The following EIF4A1 variants were observed in gnomAD, a reference collection of about 807,000 sequenced individuals.
The protein encoded by EIF4A1 is eukaryotic initiation factor 4A-I.
Under a neutral mutation model 53.5 loss-of-function variants are expected in EIF4A1, and 11 were observed. The ratio of observed to expected loss-of-function variants is 0.21; its 90% CI spans 0.13 to 0.34. The LOEUF is 0.34. EIF4A1 is among the 10% of genes least tolerant of loss of function. The pLI is 1.00. For missense variants in EIF4A1, 213 were observed against 530.8 expected (o/e 0.40, Z 5.88); for synonymous variants, 237 against 186.7 (o/e 1.27, Z -2.20).
intron 3 of EIF4A1, chr17:7,574,914 G>C: frequency 9.8e-7 from 1 of 1,015,866 alleles, no homozygotes; most frequent in Middle Eastern, 3.1e-4. Context: ...TTCTAGTCCA[G>C]CTTGGTGTGC....
intron 1 of EIF4A1, 129 bp from the exon 2 acceptor site, chr17:7,574,131 C>A (rs1265246444): frequency 9.7e-7 from 1 of 1,025,868 alleles, no homozygotes; most frequent in Non-Finnish European, 1.5e-6. Context: ...TTTTTGGGAG[C>A]TGGTGGGAGT....
intron 1 of EIF4A1, chr17:7,573,124 C>G (rs2071346650): frequency 1.7e-6 from 1 of 604,120 alleles, no homozygotes; most frequent in Non-Finnish European, 2.9e-6. Context: ...GTGCCATGCG[C>G]GAAGCCCCGG....
At position 7,578,599 on chromosome 17, in the gene EIF4A1, T is replaced by G; in HGVS notation, c.*113T>G. On this transcript the variant is annotated 3_prime_UTR_variant, in exon 11 of 11. Coordinates refer to ENST00000293831, the MANE Select transcript of EIF4A1 (RefSeq NM_001416.4). ...ATGGACATCTTGTCATTTTTTTTCT[T>G]TGAATAAATGTCACTTTTTGAGGCA... is the stretch of plus-strand genomic sequence containing the variant. 1.6e-6 allele frequency: 2 copies of G among 1,272,520 alleles called. No homozygotes were observed. The highest frequency in any genetic ancestry group is 2.1e-6 in the Non-Finnish European group (2 of 972,492). 78.8% of individuals were successfully genotyped at this position (1,272,520 alleles called of 1,614,324 possible).
At chr17:7,575,642 C>A (rs374235835) in intron 4 of EIF4A1, 2 of 357,538 alleles carry the variant, frequency 5.6e-6, no homozygotes, top group East Asian at 7.0e-5. Context: ...GGGGCACACA[C>A]AATTCTAATG....
rs893210020 is a variant in EIF4A1, at chr17:7,575,277, C to T, written c.345+19C>T. ...TCAGCAGGTAAGAGTGGCTTCTATT[C>T]CCTCCTTCAGGGCTGATTTAGGGAT... On this transcript the variant is annotated intron_variant, in intron 4 of 10. Transcript: ENST00000293831. 12 of 1,613,464 alleles carry T rather than the reference C, an allele frequency of 7.4e-6. No homozygotes were observed. Among genetic ancestry groups the T allele is most frequent in the South Asian group, 2.2e-5 (2 of 91,084 alleles).
chr17:7,574,108 C>T (rs1363552346), intron 1 of EIF4A1, 152 bp from the exon 2 acceptor site: 4 of 850,812 alleles, frequency 4.7e-6, no homozygotes, highest in African/African-American at 1.7e-5. Flanking sequence ...ATAGAAACTC[C>T]TCCTTTGGGT....
In EIF4A1 at chr17:7,574,244, T is replaced by C. The variant is rs182916229; in HGVS notation, c.24-16T>C. On this transcript the variant is annotated splice_polypyrimidine_tract_variant and intron_variant, in intron 1 of 10. Coordinates refer to ENST00000293831, the MANE Select transcript of EIF4A1 (RefSeq NM_001416.4). ...TCGGTCGGGCAGGGGACAAAACTTA[T>C]GCTTTAAACCAACAGATCCAGAGAC... is the stretch of plus-strand genomic sequence containing the variant. The C allele has an allele frequency of 2.9e-4, 467 of 1,614,084 alleles. 4 individuals carry two copies. The African/African-American group carries it at 4.1e-3, about 14-fold the overall frequency.
Position 7,578,807 on chromosome 17 carries a change from A to G in EIF4A1, c.*321A>G, listed in dbSNP as rs3809719. 6,838 of 201,260 alleles carry G rather than the reference A, an allele frequency of 0.034. 403 individuals carry two copies. The highest frequency in any genetic ancestry group is 0.25 in the East Asian group (2,059 of 8,270). The allele number at this position is 201,260 out of a possible 1,614,324, so 12.5% of individuals were successfully genotyped here. On this transcript the variant is annotated 3_prime_UTR_variant, in exon 11 of 11. Transcript: ENST00000293831. ...TCCTTTGAAAGTGATTCAAGGGACT[A>G]TGTCACTCAGCCTCATTTGCTGGAC...
chr17:7,576,740 A>T, intron 5 of EIF4A1, 48 bp downstream of exon 5: 1 of 1,569,982 alleles, frequency 6.4e-7, no homozygotes, highest in South Asian at 1.2e-5. Flanking sequence ...GCTCTTGTGC[A>T]CGCTTTCCAG....
chr17:7,572,955 G>C, intron 1 of EIF4A1, 91 bp downstream of exon 1: 4 of 1,611,788 alleles, frequency 2.5e-6, no homozygotes, highest in Non-Finnish European at 3.4e-6. Flanking sequence ...GCCCACCAGG[G>C]TTGCGGGAGA....
intron 1 of EIF4A1, 58 bp downstream of exon 1, chr17:7,572,922 G>A: frequency 3.1e-6 from 5 of 1,614,082 alleles, no homozygotes; most frequent in South Asian, 2.2e-5. Context: ...CCTTCCGACG[G>A]GCCCGCCGGG....
At chr17:7,574,084 A>G in intron 1 of EIF4A1, 176 bp from the exon 2 acceptor site, 1 of 699,602 alleles carries the variant, frequency 1.4e-6, no homozygotes, top group South Asian at 1.8e-5. Flanking sequence ...GCATGGGGCA[A>G]ATGCCTCAGT....
chr17:7,574,384 T>C (rs1273096787), intron 2 of EIF4A1, 76 bp downstream of exon 2: 3 of 1,610,768 alleles, frequency 1.9e-6, no homozygotes, highest in Non-Finnish European at 2.5e-6. Flanking sequence ...GGCCTCTTGA[T>C]TGATTTCCCA....
In EIF4A1 at chr17:7,574,832, T is replaced by C. The variant is rs571405264; in HGVS notation, c.205+154T>C. On this transcript the variant is annotated intron_variant, in intron 3 of 10. Coordinates refer to ENST00000293831, the MANE Select transcript of EIF4A1 (RefSeq NM_001416.4). ...TTGATCCGTGCCCATGCCTGGTTCA[T>C]GCCTTGGACACATAGGTTTCCTTTA... The C allele has an allele frequency of 3.9e-6, 5 of 1,291,624 alleles. No homozygotes were observed. In the African/African-American group the frequency reaches 5.8e-5, roughly 15 times the overall value. The allele number at this position is 1,291,624 out of a possible 1,614,324, so 80.0% of individuals were successfully genotyped here. A position where few individuals can be genotyped will look rare whatever the true frequency, so the allele number is the denominator to read the frequency against.
chr17:7,575,522 C>T (rs2071388589), intron 4 of EIF4A1: 1 of 563,706 alleles, frequency 1.8e-6, no homozygotes, highest in Admixed American at 2.6e-5. Context: ...TGAATAAGCA[C>T]CTTCACTATG....
rs772344319 is a variant in EIF4A1, at chr17:7,577,463, G to A, written c.744G>A (p.Gln248=). 1 of 1,614,194 alleles carries A rather than the reference G, an allele frequency of 6.2e-7. No homozygotes were observed. Among genetic ancestry groups the A allele is most frequent in the Non-Finnish European group, 8.5e-7 (1 of 1,180,028 alleles). ...AGTTGACCCTGGAGGGTATCCGCCA[G>A]TTCTACATCAACGTGGAACGAGAGG... is the stretch of plus-strand genomic sequence containing the variant. ...KEELTLEGIR[Q]FYINVEREEW... The change falls in exon 7 of 11, where the codon CAG becomes CAA. Residue 248 remains glutamine, a synonymous_variant. Transcript: ENST00000293831. The surrounding 1 kb of genome is among the most constrained non-coding windows in gnomAD (Gnocchi z 4.7).
In EIF4A1 at chr17:7,577,793, A is replaced by C; in HGVS notation, c.907-34A>C. 1 of 1,614,026 alleles carries C rather than the reference A, an allele frequency of 6.2e-7. No homozygotes were observed. Among genetic ancestry groups the C allele is most frequent in the Non-Finnish European group, 8.5e-7 (1 of 1,180,018 alleles). ...CAGGGTTCCTGGAACCCAGGTGCCT[A>C]CCTGGTCTGCTGCATATTTGTTTTC... is the stretch of plus-strand genomic sequence containing the variant. On this transcript the variant is annotated intron_variant, in intron 8 of 10. Transcript: ENST00000293831. This position sits in a 1 kb window ranked among gnomAD's most constrained non-coding sequence, Gnocchi z 4.7.
At chr17:7,574,066 C>T (rs1271195597) in intron 1 of EIF4A1, 194 bp from the exon 2 acceptor site, 4 of 637,802 alleles carry the variant, frequency 6.3e-6, no homozygotes, top group South Asian at 3.9e-5. Flanking sequence ...TGGCCTGAGC[C>T]GCTGCCTGCA....
At chr17:7,575,421 A>G in intron 4 of EIF4A1, 163 bp downstream of exon 4, 1 of 1,062,752 alleles carries the variant, frequency 9.4e-7, no homozygotes, top group Non-Finnish European at 1.4e-6. Flanking sequence ...TCTTACCCAA[A>G]CGTAACCATT....
Sources: gnomAD v4.1 joint callset for allele counts on GRCh38, gnomAD v4.1.1 for gene constraint, Gnocchi (gnomAD v3.1) non-coding constraint, MANE v1.5 for transcripts, NCBI Gene and HGNC (gene_info 2026-07-23, HGNC 2026-07-21) for gene names.